Variants in SLC7A10 observed in about 807,000 individuals in gnomAD.
The protein encoded by SLC7A10 is solute carrier family 7 member 10, also known as asc-type amino acid transporter 1.
SLC7A10 carries 30 observed loss-of-function variants against 52.7 expected under a neutral mutation model. The ratio of observed to expected loss-of-function variants is 0.57; its 90% CI spans 0.43 to 0.77. The LOEUF (loss-of-function observed/expected upper bound fraction) is 0.77, where lower values mean the gene tolerates loss of function less well. Among genes scored for constraint, SLC7A10 ranks in the 30% least tolerant of loss-of-function variants. The pLI is 0.00. For synonymous variants in SLC7A10, 318 were observed against 314.9 expected, an observed-to-expected ratio of 1.01 and a Z score of -0.10; for missense variants, 581 against 698.5, an observed-to-expected ratio of 0.83 and a Z score of 1.90.
chr19:33,223,602 G>GT (rs1243257982), intron 1 of SLC7A10, among the ~76,000 whole-genome samples: 1 of 146,224 alleles, frequency 6.8e-6, no homozygotes, highest in Admixed American at 6.7e-5. Flanking sequence ...TGATCTCCTT[G>GT]TTTTTTCCTG....
At chr19:33,224,424 G>A (rs1015663358) in intron 1 of SLC7A10, among the ~76,000 whole-genome samples, 2 of 152,154 alleles carry the variant, frequency 1.3e-5, no homozygotes, top group East Asian at 1.9e-4. Context: ...GCCAGGGGCT[G>A]TGTTCAGGGG....
chr19:33,218,688 T>TCTTTCTTTCTTTCTTTC (rs1568394290), intron 1 of SLC7A10, among the ~76,000 whole-genome samples: 5 of 38,186 alleles, frequency 1.3e-4, no homozygotes, highest in African/African-American at 3.2e-4. Context: ...TTTCTTTTTT[T>TCTTTCTTTCTTTCTTTC]TTTTTTTTTA....
In SLC7A10 at chr19:33,225,716, C is replaced by T; in HGVS notation, c.-13G>A. 3.3e-6 allele frequency: 5 copies of T among 1,510,678 alleles called. No homozygotes were observed. Among genetic ancestry groups the T allele is most frequent in the Non-Finnish European group, 4.4e-6 (5 of 1,137,668 alleles). The allele number at this position is 1,510,678 out of a possible 1,614,324, so 93.6% of individuals were successfully genotyped here. A position where few individuals can be genotyped will look rare whatever the true frequency, so the allele number is the denominator to read the frequency against. On this transcript the variant is annotated 5_prime_UTR_variant, in exon 1 of 11. Coordinates refer to ENST00000253188, the MANE Select transcript of SLC7A10 (RefSeq NM_019849.3). ...TGTGGCCGGCCATGTCGCTGTCCCG[C>T]CGCGTCCCCGCTCCCTGCGCTGCCC...
intron 2 of SLC7A10, 139 bp downstream of exon 2, chr19:33,215,617 CTTCTCTCCATCCA>C: frequency 1.7e-6 from 1 of 585,440 alleles, no homozygotes; most frequent in South Asian, 2.9e-5. Flanking sequence ...GCCCCCACAC[CTTCTCTCCATCCA>C]CCCCCCACAC....
chr19:33,212,466 G>A, intron 4 of SLC7A10, 21 bp from the exon 5 acceptor site: 2 of 1,613,874 alleles, frequency 1.2e-6, no homozygotes, highest in Non-Finnish European at 1.7e-6. Flanking sequence ...AGAAGTCGGG[G>A]GTCAGCACCA....
intron 1 of SLC7A10, chr19:33,220,756 C>T (rs1392659805): frequency 6.6e-6 from 1 of 152,206 alleles, no homozygotes; most frequent in African/African-American, 2.4e-5. Context: ...CTTTTACCTC[C>T]TTGCCCCCAG....
intron 1 of SLC7A10, chr19:33,220,164 G>A (rs926079072): frequency 6.6e-6 from 1 of 152,270 alleles, no homozygotes; most frequent in East Asian, 1.9e-4. Flanking sequence ...AGCACCCCAA[G>A]GAGGTGAGTG....
rs569923974 is a variant in SLC7A10 at position 33,224,280 on chromosome 19, A to G, written c.151+1273T>C. Among the ~76,000 whole-genome samples the G allele has an allele frequency of 2.0e-5, 3 of 152,266 alleles. No individual in the cohort carries two copies. In the East Asian group the frequency reaches 5.8e-4, roughly 30 times the overall value. On this transcript the variant is annotated intron_variant, in intron 1 of 10. Transcript: ENST00000253188. ...ACCAGCACCCTGGCCAAATCCCTGG[A>G]ACCAGCCCTTCCTTCCAGCAGACCG...
At position 33,215,617 on chromosome 19, in the gene SLC7A10, CTT is replaced by C; in HGVS notation, c.356+150_356+151del. 198 of 585,416 alleles carry C rather than the reference CTT, an allele frequency of 3.4e-4. 3 individuals carry two copies. Among genetic ancestry groups the C allele is most frequent in the South Asian group, 2.0e-3 (70 of 34,286 alleles). The allele number at this position is 585,416 out of a possible 1,614,324, so 36.3% of individuals were successfully genotyped here. A position where few individuals can be genotyped will look rare whatever the true frequency, so the allele number is the denominator to read the frequency against. ...CCTTCTCTCCATCCAGCCCCCACACCTTCTCTCCATCCACCCCCCACACCTTC... is the reference window on the plus strand; with the variant it reads ...CCTTCTCTCCATCCAGCCCCCACACCCTCTCCATCCACCCCCCACACCTTC... On this transcript the variant is annotated intron_variant, in intron 2 of 10. Transcript: ENST00000253188.
At chr19:33,215,587 CCACACCTTCTCTCCATCCA>C (rs1974655840) in intron 2 of SLC7A10, among the ~76,000 whole-genome samples, 163 bp downstream of exon 2, 1 of 141,904 alleles carries the variant, frequency 7.0e-6, no homozygotes, top group Non-Finnish European at 1.6e-5. Flanking sequence ...TCCAGCACCC[CCACACCTTCTCTCCATCCA>C]GCCCCCACAC....
chr19:33,209,709 G>A lies in SLC7A10; in HGVS notation c.1264-224C>T, dbSNP rs8107002. On this transcript the variant is annotated intron_variant, in intron 9 of 10. Coordinates refer to ENST00000253188, the MANE Select transcript of SLC7A10 (RefSeq NM_019849.3). ...CTGAGGATTTTTCAAAGTCTCAGCG[G>A]CACCGAGCTCCACACAGCGGTTGCG... is the stretch of plus-strand genomic sequence containing the variant. 6.2e-3 allele frequency among the ~76,000 whole-genome samples: 745 copies of A among 119,576 alleles called. 3 individuals carry two copies. The highest frequency in any genetic ancestry group is 0.022 in the African/African-American group (696 of 31,228). The allele number at this position is 119,576 out of a possible 152,430, so 78.4% of individuals were successfully genotyped here. A position where few individuals can be genotyped will look rare whatever the true frequency, so the allele number is the denominator to read the frequency against.
At position 33,215,957 on chromosome 19, in the gene SLC7A10, C is replaced by G. The variant is rs116650022; in HGVS notation, c.168G>C (p.Ser56=). 70 of 1,577,602 alleles carry G rather than the reference C, an allele frequency of 4.4e-5. No homozygotes were observed. Among genetic ancestry groups the G allele is most frequent in the Admixed American group, 3.9e-4 (22 of 56,754 alleles). The change falls in exon 2 of 11, where the codon TCG becomes TCC. Residue 56 remains serine, a synonymous_variant. Coordinates refer to ENST00000253188, the MANE Select transcript of SLC7A10 (RefSeq NM_019849.3). ...CCCCCTTGGGCGAGATGAAGATGCC[C>G]GAGCCGATGATGTTCCCTGCAGGGG... ...CTIIIGNIIG[S]GIFISPKGVL...
At chr19:33,211,145 C>T (rs750650772) in intron 7 of SLC7A10, 80 bp downstream of exon 7, 1 of 1,388,452 alleles carries the variant, frequency 7.2e-7, no homozygotes, top group African/African-American at 1.4e-5. Flanking sequence ...GGTGTCCCTT[C>T]CTCTGGCCCA....
chr19:33,225,830 G>T lies in SLC7A10; in HGVS notation c.-127C>A. The T allele has an allele frequency of 1.8e-6, 2 of 1,129,928 alleles. No individual in the cohort carries two copies. Among genetic ancestry groups the T allele is most frequent in the Non-Finnish European group, 2.2e-6 (2 of 889,954 alleles). The allele number at this position is 1,129,928 out of a possible 1,614,324, so 70.0% of individuals were successfully genotyped here. On this transcript the variant is annotated 5_prime_UTR_variant, in exon 1 of 11. Coordinates refer to ENST00000253188, the MANE Select transcript of SLC7A10 (RefSeq NM_019849.3). ...ACAGCGCCCACAGGCGGGCGCATGC[G>T]CTGGCTCCGGGCCCGGGACTGGGGG...
intron 3 of SLC7A10, 103 bp downstream of exon 3, chr19:33,212,748 A>G: frequency 6.2e-7 from 1 of 1,606,184 alleles, no homozygotes; most frequent in Non-Finnish European, 8.5e-7. Flanking sequence ...AGCAGCTGGA[A>G]TTTTCTGAAG....
intron 2 of SLC7A10, 91 bp from the exon 3 acceptor site, chr19:33,213,093 C>A: frequency 6.5e-7 from 1 of 1,531,070 alleles, no homozygotes; most frequent in Non-Finnish European, 8.8e-7. Context: ...CTGCCCTGGG[C>A]CTGGCGCCCG....
intron 1 of SLC7A10, among the ~76,000 whole-genome samples, chr19:33,218,949 G>A (rs1974755895): frequency 6.6e-6 from 1 of 151,870 alleles, no homozygotes; most frequent in South Asian, 2.1e-4. Context: ...CAATGAAGAA[G>A]CCCAGCCGTT....
intron 10 of SLC7A10, 133 bp from the exon 11 acceptor site, chr19:33,209,154 G>A: frequency 6.5e-7 from 1 of 1,532,564 alleles, no homozygotes; most frequent in Non-Finnish European, 8.9e-7. Flanking sequence ...GAAACTTTGG[G>A]TACATCTTGG....
chr19:33,216,242 G>A (rs1447301609), intron 1 of SLC7A10, among the ~76,000 whole-genome samples: 1 of 152,212 alleles, frequency 6.6e-6, no homozygotes, highest in Non-Finnish European at 1.5e-5. Context: ...CCAGAGACAG[G>A]CCCTGTTTGA....
Sources: allele counts gnomAD v4.1 joint callset (sites outside exome capture counted in the v4.1 genomes callset), GRCh38; gene constraint gnomAD v4.1.1; transcripts MANE v1.5; gene names NCBI Gene and HGNC (gene_info 2026-07-23, HGNC 2026-07-21).